Variants in SRD5A1 observed in about 807,000 individuals in gnomAD.
The protein encoded by SRD5A1 is steroid 5 alpha-reductase 1, also known as 3-oxo-5-alpha-steroid 4-dehydrogenase 1.
In SRD5A1, 22 loss-of-function variants were observed where a neutral mutation model predicts 28.2. The observed-to-expected ratio is 0.78, with a 90% CI of 0.56 to 1.12. The LOEUF (loss-of-function observed/expected upper bound fraction) is 1.12, where lower values mean the gene tolerates loss of function less well. Ranked by LOEUF, SRD5A1 falls within the 50% of genes most tolerant of loss-of-function variation. The pLI is 0.00. For synonymous variants in SRD5A1, 151 were observed against 135.0 expected (o/e 1.12, Z -0.82); for missense variants, 300 against 346.7 (o/e 0.87, Z 1.07).
rs1488952702 is a variant in SRD5A1, at chr5:6,669,804, T to G, written c.*1536T>G. On this transcript the variant is annotated 3_prime_UTR_variant, in exon 5 of 5. Coordinates refer to ENST00000274192, the MANE Select transcript of SRD5A1 (RefSeq NM_001047.4). ...ACCTTTCCTTCTCCCCTCTCTATTC[T>G]GACCCCAGTTGAAATCACCTCAAAG... 6.6e-6 allele frequency: 1 copy of G among 152,302 alleles called. No homozygotes were observed. Among genetic ancestry groups the G allele is most frequent in the African/African-American group, 2.4e-5 (1 of 41,468 alleles). 9.4% of individuals were successfully genotyped at this position (152,302 alleles called of 1,614,324 possible).
chr5:6,645,235 TA>T (rs1286740399), intron 1 of SRD5A1: 1 of 305,722 alleles, frequency 3.3e-6, no homozygotes, highest in Non-Finnish European at 6.4e-6. Context: ...AATGACTAAT[TA>T]TGACTTTACC....
intron 1 of SRD5A1, 87 bp downstream of exon 1, chr5:6,633,956 C>T (rs2126519428): frequency 6.3e-6 from 9 of 1,431,684 alleles, no homozygotes; most frequent in Non-Finnish European, 8.6e-6. Flanking sequence ...GCCCTCTCCC[C>T]GAAGCCTCCC....
At chr5:6,634,522 G>A (rs1738114280) in intron 1 of SRD5A1, among the ~76,000 whole-genome samples, 1 of 152,148 alleles carries the variant, frequency 6.6e-6, no homozygotes, top group African/African-American at 2.4e-5. Context: ...TATCTTTGGT[G>A]ATGGTGGAGC....
chr5:6,665,520 C>T (rs1739144101), intron 4 of SRD5A1, among the ~76,000 whole-genome samples: 2 of 152,218 alleles, frequency 1.3e-5, no homozygotes, highest in African/African-American at 2.4e-5. Flanking sequence ...TCTAAATATA[C>T]ATTCTACAAT....
At position 6,651,821 on chromosome 5, in the gene SRD5A1, G is replaced by T. The variant is rs779159970; in HGVS notation, c.294-21G>T. ...TATCTTTAATTTTTTAAAAAATTGT[G>T]CCTGTTTCTTGTTTCCTAAGGTGCT... On this transcript the variant is annotated intron_variant, in intron 1 of 4. Transcript: ENST00000274192. 21 of 1,566,682 alleles carry T rather than the reference G, an allele frequency of 1.3e-5. No individual in the cohort carries two copies. In the African/African-American group the frequency reaches 2.2e-4, roughly 16 times the overall value.
chr5:6,640,553 A>T (rs962498117), intron 1 of SRD5A1, among the ~76,000 whole-genome samples: 2 of 148,434 alleles, frequency 1.3e-5, no homozygotes, highest in African/African-American at 2.5e-5. Flanking sequence ...TTCAATTGAG[A>T]TGGGGTCTCC....
intron 1 of SRD5A1, among the ~76,000 whole-genome samples, chr5:6,635,747 G>A (rs1040968176): frequency 4.6e-5 from 7 of 152,234 alleles, no homozygotes; most frequent in Non-Finnish European, 8.8e-5. Flanking sequence ...AAACTGTGGT[G>A]TTGGAAATCA....
At position 6,651,439 on chromosome 5, in the gene SRD5A1, C is replaced by T. The variant is rs967716381; in HGVS notation, c.294-403C>T. On this transcript the variant is annotated intron_variant, in intron 1 of 4. Transcript: ENST00000274192. ...TTGGGACAACAAGGCAGGAAGATCACTTGAGGTCGAAGTTTGAGACCAGCC... is the reference window on the plus strand; with the variant it reads ...TTGGGACAACAAGGCAGGAAGATCATTTGAGGTCGAAGTTTGAGACCAGCC... Among the ~76,000 whole-genome samples the T allele has an allele frequency of 2.6e-5, 4 of 152,160 alleles. No homozygotes were observed. In the South Asian group the frequency reaches 8.3e-4, roughly 32 times the overall value.
At position 6,668,479 on chromosome 5, in the gene SRD5A1, G is replaced by A. The variant is rs971368960; in HGVS notation, c.*211G>A. 5 of 392,016 alleles carry A rather than the reference G, an allele frequency of 1.3e-5. No homozygotes were observed. Among genetic ancestry groups the A allele is most frequent in the South Asian group, 6.8e-5 (1 of 14,800 alleles). The allele number at this position is 392,016 out of a possible 1,614,324, so 24.3% of individuals were successfully genotyped here. On this transcript the variant is annotated 3_prime_UTR_variant, in exon 5 of 5. Transcript: ENST00000274192. ...GGTTGAATATCCTACTGTGTAACAGGTCAGAATTTCAAGCTCTGGGTAATA... is the reference window on the plus strand; with the variant it reads ...GGTTGAATATCCTACTGTGTAACAGATCAGAATTTCAAGCTCTGGGTAATA...
At chr5:6,656,234 T>G (rs1738830188) in intron 3 of SRD5A1, 55 bp downstream of exon 3, 1 of 1,405,882 alleles carries the variant, frequency 7.1e-7, no homozygotes, top group Non-Finnish European at 1.0e-6. Context: ...GGTTCCTGGC[T>G]ATTTTAGTGT....
intron 3 of SRD5A1, 91 bp from the exon 4 acceptor site, chr5:6,662,725 T>G: frequency 7.2e-7 from 1 of 1,398,488 alleles, no homozygotes. Context: ...TTCTTGAATT[T>G]ATGTTCTCCA....
chr5:6,665,460 C>T (rs1175124308), intron 4 of SRD5A1, among the ~76,000 whole-genome samples: 3 of 152,178 alleles, frequency 2.0e-5, no homozygotes, highest in African/African-American at 4.8e-5. Context: ...TTTTCTCCTC[C>T]GCCAGATGAC....
At chr5:6,662,612 T>C (rs1345108763) in intron 3 of SRD5A1, among the ~76,000 whole-genome samples, 1 of 152,248 alleles carries the variant, frequency 6.6e-6, no homozygotes. Flanking sequence ...GGTATTGATA[T>C]ACATATGTAG....
In SRD5A1 at chr5:6,669,889, G is replaced by C. The variant is rs1739311416; in HGVS notation, c.*1621G>C. The stretch of plus-strand genomic sequence containing the variant: ...TGAGAGAGAGTCACCACTGCAGATG[G>C]ACCACAGCACGGGTGGAGATGGGCC... On this transcript the variant is annotated 3_prime_UTR_variant, in exon 5 of 5. Transcript: ENST00000274192. 6.5e-6 allele frequency: 1 copy of C among 152,754 alleles called. No homozygotes were observed. The highest frequency in any genetic ancestry group is 1.5e-5 in the Non-Finnish European group (1 of 68,342). 9.5% of individuals were successfully genotyped at this position (152,754 alleles called of 1,614,324 possible).
At chr5:6,633,932 C>T (rs540960874) in intron 1 of SRD5A1, 63 bp downstream of exon 1, 1 of 1,552,690 alleles carries the variant, frequency 6.4e-7, no homozygotes, top group Non-Finnish European at 8.7e-7. Flanking sequence ...CCGACCCTCC[C>T]CTCACTGCCC....
Position 6,633,764 on chromosome 5 carries a change from C to G in SRD5A1, c.188C>G (p.Ser63Trp), listed in dbSNP as rs779290322. The change falls in exon 1 of 5, where the codon TCG becomes TGG. Residue 63 changes from serine to tryptophan, a missense_variant. Ser to Trp is a radical substitution (Grantham distance 177). Around this residue, in one of 2 missense-constraint regions of SRD5A1, gnomAD observed 174 missense variants for 160.9 expected, o/e 1.08. Coordinates refer to ENST00000274192, the MANE Select transcript of SRD5A1 (RefSeq NM_001047.4). ...GCCTGGGTGGTGCAGGAGCTGCCCT[C>G]GCTGGCCCTGCCGCTCTACCAGTAC... is the stretch of plus-strand genomic sequence containing the variant. ...RAAWVVQELP[S>W]LALPLYQYAS... The G allele has an allele frequency of 1.9e-6, 3 of 1,597,244 alleles. No individual in the cohort carries two copies. In the African/African-American group the frequency reaches 4.0e-5, roughly 21 times the overall value.
intron 1 of SRD5A1, among the ~76,000 whole-genome samples, chr5:6,644,360 C>G (rs1738446862): frequency 6.6e-6 from 1 of 152,056 alleles, no homozygotes; most frequent in African/African-American, 2.4e-5. Context: ...CCTTACATTC[C>G]CCTTTTATGT....
rs1424933269 is a variant in SRD5A1, at chr5:6,671,098, C to T, written c.*2830C>T. 1.3e-5 allele frequency: 2 copies of T among 152,240 alleles called. No individual in the cohort carries two copies. The highest frequency in any genetic ancestry group is 2.1e-4 in the South Asian group (1 of 4,822). The allele number at this position is 152,240 out of a possible 1,614,324, so 9.4% of individuals were successfully genotyped here. ...ATTTCCACACTGTTTTCCATGGTGG[C>T]TCTAATAGTTTACATTCCCACCAGC... is the stretch of plus-strand genomic sequence containing the variant. On this transcript the variant is annotated 3_prime_UTR_variant, in exon 5 of 5. Transcript: ENST00000274192.
At position 6,652,431 on chromosome 5, in the gene SRD5A1, C is replaced by T. The variant is rs180741692; in HGVS notation, c.460+423C>T. On this transcript the variant is annotated intron_variant, in intron 2 of 4. Transcript: ENST00000274192. ...CTGTGATTCTATGAACTTGAATCAA[C>T]TTTTAGGTCTATGAAGTTGTTGAAT... is the stretch of plus-strand genomic sequence containing the variant. Among the ~76,000 whole-genome samples, 8 of 152,302 alleles carry T rather than the reference C, an allele frequency of 5.3e-5. No homozygotes were observed. In the East Asian group the frequency reaches 9.6e-4, roughly 18 times the overall value.
Sources: allele counts gnomAD v4.1 joint callset (sites outside exome capture counted in the v4.1 genomes callset), GRCh38; gene constraint gnomAD v4.1.1; regional missense constraint gnomAD v4.1.1; transcripts MANE v1.5; gene names NCBI Gene and HGNC (gene_info 2026-07-23, HGNC 2026-07-21).